LRRC59: variants seen among roughly 807,000 people sequenced by gnomAD.
LRRC59 encodes leucine-rich repeat-containing protein 59.
LRRC59 carries 18 observed loss-of-function variants against 33.5 expected under a neutral mutation model. The observed-to-expected ratio is 0.54, with a 90% CI of 0.37 to 0.80. LRRC59 has a LOEUF of 0.80. LRRC59 is among the 30% of genes least tolerant of loss of function. The pLI is 0.00. For synonymous variants in LRRC59, 138 were observed against 160.0 expected, an observed-to-expected ratio of 0.86 and a Z score of 1.04; for missense variants, 330 against 391.9, an observed-to-expected ratio of 0.84 and a Z score of 1.33.
intron 6 of LRRC59, among the ~76,000 whole-genome samples, chr17:50,383,622 T>G (rs1913927971): frequency 6.6e-6 from 1 of 151,936 alleles, no homozygotes; most frequent in Admixed American, 6.6e-5. Context: ...TTGTCATTAT[T>G]ATGATATAAT....
rs573119722 is a variant in LRRC59, at chr17:50,393,629, A to C, written c.166-732T>G. 3.9e-5 allele frequency among the ~76,000 whole-genome samples: 6 copies of C among 152,284 alleles called. No individual in the cohort carries two copies. In the East Asian group the frequency reaches 1.2e-3, roughly 29 times the overall value. On this transcript the variant is annotated intron_variant, in intron 2 of 6. Transcript: ENST00000225972. The stretch of plus-strand genomic sequence containing the variant: ...AGGTCAAAACATCCCCCTGACATTA[A>C]ACCTTTGCTAAGCACCCATCTGAAA...
rs1456525645 is a variant in LRRC59 at position 50,395,228 on chromosome 17, G to A, written c.106-240C>T. On this transcript the variant is annotated intron_variant, in intron 1 of 6. Coordinates refer to ENST00000225972, the MANE Select transcript of LRRC59 (RefSeq NM_018509.4). The stretch of plus-strand genomic sequence containing the variant: ...ACCTCCAAGAAGGTAAACCTTAGGC[G>A]AGGCACAGGGACTCACACCTGTAGT... Among the ~76,000 whole-genome samples, 4 of 151,916 alleles carry A rather than the reference G, an allele frequency of 2.6e-5. No individual in the cohort carries two copies. In the East Asian group the frequency reaches 5.8e-4, roughly 22 times the overall value.
intron 2 of LRRC59, 73 bp downstream of exon 2, chr17:50,394,856 C>G (rs1013433119): frequency 6.3e-6 from 7 of 1,108,360 alleles, no homozygotes; most frequent in Non-Finnish European, 9.4e-6. Flanking sequence ...TCCCACCCCC[C>G]TCTCAACCCC....
At chr17:50,387,997 C>T in intron 5 of LRRC59, 63 bp downstream of exon 5, 3 of 1,518,298 alleles carry the variant, frequency 2.0e-6, no homozygotes, top group Non-Finnish European at 2.7e-6. Context: ...GCTCCTGAAG[C>T]ATGAGAATCC....
At chr17:50,391,974 G>A (rs1392676168) in intron 4 of LRRC59, among the ~76,000 whole-genome samples, 4 of 152,194 alleles carry the variant, frequency 2.6e-5, no homozygotes, top group Admixed American at 6.5e-5. Context: ...CAAGGTGGGC[G>A]AATCATTTGA....
chr17:50,394,971 G>A lies in LRRC59; in HGVS notation c.123C>T (p.Ala41=). The stretch of plus-strand genomic sequence containing the variant: ...TATTACAAGACAGATCCAGGATGGT[G>A]GCCTTTGGAAGGGCAGCCTAGGTAA... ...PVKELAALPK[A]TILDLSCNKL... is the part of the protein sequence containing the mutation. The change falls in exon 2 of 7, where the codon GCC becomes GCT. Residue 41 remains alanine (A), a synonymous_variant. Coordinates refer to ENST00000225972, the MANE Select transcript of LRRC59 (RefSeq NM_018509.4). The A allele has an allele frequency of 6.2e-7, 1 of 1,608,472 alleles. No homozygotes were observed. Among genetic ancestry groups the A allele is most frequent in the Non-Finnish European group, 8.5e-7 (1 of 1,175,966 alleles).
rs776276398 is a variant in LRRC59 at position 50,382,968 on chromosome 17, AGCAGGT to A, written c.*14_*19del. ...AATCCAAACTCCAAGGCTGGGAGGCAGCAGGTGCTGGGGACAAGCTCACTGCTGAGA... is the reference window on the plus strand; with the variant it reads ...AATCCAAACTCCAAGGCTGGGAGGCAGCTGGGGACAAGCTCACTGCTGAGA... On this transcript the variant is annotated 3_prime_UTR_variant, in exon 7 of 7. Transcript: ENST00000225972. The A allele has an allele frequency of 1.2e-6, 2 of 1,606,076 alleles. No individual in the cohort carries two copies. Among genetic ancestry groups the A allele is most frequent in the South Asian group, 2.2e-5 (2 of 90,610 alleles).
Position 50,385,188 on chromosome 17 carries a change from C to T in LRRC59, c.606G>A (p.Glu202=), listed in dbSNP as rs1913974171. ...GCTTGGCTGCTTTGAGGGCATCATA[C>T]TCCTTTCTCCGGCGCTCCTTCTCTT... is the stretch of plus-strand genomic sequence containing the variant. ...KAEEKERRRK[E]YDALKAAKRE... The change falls in exon 6 of 7, where the codon GAG becomes GAA. Residue 202 remains glutamate, a synonymous_variant. Transcript: ENST00000225972. 6.2e-7 allele frequency: 1 copy of T among 1,614,090 alleles called. No individual in the cohort carries two copies. The highest frequency in any genetic ancestry group is 1.7e-5 in the Admixed American group (1 of 60,004).
intron 1 of LRRC59, chr17:50,396,400 T>C (rs1430526380): frequency 1.3e-5 from 2 of 152,268 alleles, no homozygotes; most frequent in Non-Finnish European, 2.9e-5. Flanking sequence ...GGAACCCGGT[T>C]CTAACCACTG....
intron 5 of LRRC59, among the ~76,000 whole-genome samples, chr17:50,385,725 G>A (rs2143355997): frequency 6.6e-6 from 1 of 152,240 alleles, no homozygotes; most frequent in Middle Eastern, 3.4e-3. Context: ...GTGGTATGGG[G>A]GGACAAGTGA....
rs117359620 is a variant in LRRC59, at chr17:50,389,688, A to G, written c.430-1556T>C. ...ATGCATGCGCACGAGACAGACATGTATATTCATATGTAATTCTTATTTCTA... is the reference window on the plus strand; with the variant it reads ...ATGCATGCGCACGAGACAGACATGTGTATTCATATGTAATTCTTATTTCTA... On this transcript the variant is annotated intron_variant, in intron 4 of 6. Transcript: ENST00000225972. 2.8e-4 allele frequency among the ~76,000 whole-genome samples: 42 copies of G among 152,350 alleles called. No homozygotes were observed. The East Asian group carries it at 7.7e-3, about 28-fold the overall frequency.
chr17:50,396,867 G>C, intron 1 of LRRC59: 1 of 363,494 alleles, frequency 2.8e-6, no homozygotes, highest in Admixed American at 4.6e-5. Flanking sequence ...ATTCATTCTC[G>C]AATACATCCA....
intron 4 of LRRC59, among the ~76,000 whole-genome samples, chr17:50,388,404 A>G (rs1444203461): frequency 1.3e-5 from 2 of 152,206 alleles, no homozygotes; most frequent in Non-Finnish European, 1.5e-5. Context: ...GGCCAGGCAC[A>G]GCGGCAGATG....
At position 50,392,481 on chromosome 17, in the gene LRRC59, T is replaced by C; in HGVS notation, c.346A>G (p.Lys116Glu). ...AGGACAGGATCCAGGGGGTTATCCT[T>C]CAGGTCCAACCACTTCAGGTTCTAA... ...QLKNLKWLDL[K>E]DNPLDPVLAK... Residue 116 changes from lysine to glutamate, a missense_variant, in exon 4 of 7, where the codon AAG becomes GAG. Transcript: ENST00000225972. 1 of 1,614,072 alleles carries C rather than the reference T, an allele frequency of 6.2e-7. No individual in the cohort carries two copies. The highest frequency in any genetic ancestry group is 8.5e-7 in the Non-Finnish European group (1 of 1,179,988).
At chr17:50,395,732 G>A (rs983800119) in intron 1 of LRRC59, among the ~76,000 whole-genome samples, 1 of 152,088 alleles carries the variant, frequency 6.6e-6, no homozygotes, top group Non-Finnish European at 1.5e-5. Context: ...TGACCAACAC[G>A]GAGAAACCCT....
intron 1 of LRRC59, chr17:50,395,954 C>T (rs1007610236): frequency 2.0e-5 from 3 of 151,784 alleles, no homozygotes; most frequent in African/African-American, 7.3e-5. Context: ...GGTGTCCAGG[C>T]TGGACAAGCT....
At position 50,397,417 on chromosome 17, in the gene LRRC59, C is replaced by T; in HGVS notation, c.-100G>A. ...CAGCGGCCCCCCACCCAAACGACGA[C>T]GCCTGAGCCCTCCGTCGCCGCCGAT... On this transcript the variant is annotated 5_prime_UTR_variant, in exon 1 of 7. Transcript: ENST00000225972. 1.2e-6 allele frequency: 1 copy of T among 831,418 alleles called. No individual in the cohort carries two copies. The allele number at this position is 831,418 out of a possible 1,614,324, so 51.5% of individuals were successfully genotyped here.
At chr17:50,388,230 G>T (rs1914057885) in intron 4 of LRRC59, 98 bp from the exon 5 acceptor site, 2 of 1,106,516 alleles carry the variant, frequency 1.8e-6, no homozygotes, top group South Asian at 2.5e-5. Context: ...GATTATCATG[G>T]TAGCAATGTA....
In LRRC59 at chr17:50,397,383, T is replaced by G. The variant is rs928205254; in HGVS notation, c.-66A>C. On this transcript the variant is annotated 5_prime_UTR_variant, in exon 1 of 7. Coordinates refer to ENST00000225972, the MANE Select transcript of LRRC59 (RefSeq NM_018509.4). ...CGGGTGAAAGGAGCTGAAATGTCGCTTGTCAGTTCAGCGGCCCCCCACCCA... is the reference window on the plus strand; with the variant it reads ...CGGGTGAAAGGAGCTGAAATGTCGCGTGTCAGTTCAGCGGCCCCCCACCCA... 1 of 1,307,160 alleles carries G rather than the reference T, an allele frequency of 7.7e-7. No individual in the cohort carries two copies. Among genetic ancestry groups the G allele is most frequent in the Admixed American group, 2.1e-5 (1 of 48,268 alleles). The allele number at this position is 1,307,160 out of a possible 1,614,324, so 81.0% of individuals were successfully genotyped here. A position where few individuals can be genotyped will look rare whatever the true frequency, so the allele number is the denominator to read the frequency against.
Sources: allele counts gnomAD v4.1 joint callset (sites outside exome capture counted in the v4.1 genomes callset), GRCh38; gene constraint gnomAD v4.1.1; transcripts MANE v1.5; gene names NCBI Gene and HGNC (gene_info 2026-07-23, HGNC 2026-07-21).